Variants in NRXN3 observed in about 807,000 individuals in gnomAD.
NRXN3 encodes the protein neurexin 3.
A neutral mutation model predicts 137.6 loss-of-function variants in NRXN3; 32 were observed. That is an observed-to-expected ratio of 0.23 (90% CI 0.18 to 0.31). The LOEUF (loss-of-function observed/expected upper bound fraction) is 0.31. NRXN3 is among the 10% of genes least tolerant of loss of function. The pLI is 1.00. For missense variants in NRXN3, 1,574 were observed against 2,062.5 expected (o/e 0.76, Z 4.59); for synonymous variants, 798 against 784.5 (o/e 1.02, Z -0.29).
intron 19 of NRXN3, among the ~76,000 whole-genome samples, chr14:79,786,724 A>G (rs928853981): frequency 3.9e-5 from 6 of 152,236 alleles, no homozygotes; most frequent in South Asian, 4.1e-4. Context: ...TAACTGCCCA[A>G]TGTTCAACTA....
intron 2 of NRXN3, chr14:78,249,954 G>A (rs2153460513): frequency 2.9e-6 from 1 of 343,370 alleles, no homozygotes; most frequent in South Asian, 2.2e-5. Flanking sequence ...TGAAGCTTCA[G>A]TATCTTCTTT....
intron 4 of NRXN3, among the ~76,000 whole-genome samples, chr14:78,484,905 C>T (rs570555594): frequency 1.2e-4 from 19 of 152,136 alleles, no homozygotes; most frequent in South Asian, 1.0e-3. Flanking sequence ...GACACTTGTC[C>T]GGATATGATA....
intron 15 of NRXN3, among the ~76,000 whole-genome samples, chr14:79,426,954 C>CA (rs1408792795): frequency 6.6e-6 from 1 of 151,900 alleles, no homozygotes; most frequent in Non-Finnish European, 1.5e-5. Flanking sequence ...TTTGGGTTTC[C>CA]AAAAAATATA....
intron 15 of NRXN3, among the ~76,000 whole-genome samples, chr14:79,123,742 A>G (rs1184348937): frequency 6.6e-6 from 1 of 152,208 alleles, no homozygotes; most frequent in Admixed American, 6.5e-5. Context: ...GATATAAGTC[A>G]GGGAAAGCAT....
chr14:78,993,834 ATTTTT>A (rs58170856), intron 15 of NRXN3, among the ~76,000 whole-genome samples: 1,725 of 66,314 alleles, frequency 0.026, 16 homozygotes, highest in African/African-American at 0.07. Context: ...GAGCCTTGAA[ATTTTT>A]TTTTTTTTTT....
chr14:79,350,587 C>T (rs959487533), intron 15 of NRXN3, among the ~76,000 whole-genome samples: 1 of 152,152 alleles, frequency 6.6e-6, no homozygotes, highest in African/African-American at 2.4e-5. Flanking sequence ...CAGCCTTTGG[C>T]ACACATTGGA....
At chr14:78,714,351 T>G (rs2098422236) in intron 7 of NRXN3, among the ~76,000 whole-genome samples, 1 of 152,228 alleles carries the variant, frequency 6.6e-6, no homozygotes, top group South Asian at 2.1e-4. Context: ...GACAGTTATT[T>G]TCCCATTTTA....
intron 8 of NRXN3, among the ~76,000 whole-genome samples, chr14:78,719,732 C>T (rs2098450837): frequency 6.6e-6 from 1 of 152,114 alleles, no homozygotes; most frequent in African/African-American, 2.4e-5. Flanking sequence ...ATCCCAGCTA[C>T]TCAGGAGGCT....
chr14:79,190,898 C>T (rs1240015726), intron 15 of NRXN3, among the ~76,000 whole-genome samples: 2 of 151,958 alleles, frequency 1.3e-5, no homozygotes, highest in Non-Finnish European at 2.9e-5. Flanking sequence ...CAGGATTTAC[C>T]CTTATAAAAA....
chr14:78,901,106 A>G (rs1422123844), intron 10 of NRXN3, among the ~76,000 whole-genome samples: 2 of 152,024 alleles, frequency 1.3e-5, no homozygotes. Flanking sequence ...ATTTTTTTCT[A>G]TCTGCTTCTG....
chr14:79,656,468 A>T (rs1440205695), intron 16 of NRXN3, among the ~76,000 whole-genome samples: 4 of 152,180 alleles, frequency 2.6e-5, no homozygotes, highest in African/African-American at 9.6e-5. Flanking sequence ...ATGACTCAGG[A>T]TGCCAGTTGT....
At chr14:78,421,915 C>T (rs1398719580) in intron 4 of NRXN3, among the ~76,000 whole-genome samples, 3 of 152,190 alleles carry the variant, frequency 2.0e-5, no homozygotes, top group East Asian at 1.9e-4. Context: ...AAGCAACAAG[C>T]GCCAGCTATT....
chr14:79,623,731 C>G (rs2098249394), intron 16 of NRXN3, among the ~76,000 whole-genome samples: 1 of 152,104 alleles, frequency 6.6e-6, no homozygotes, highest in Non-Finnish European at 1.5e-5. Flanking sequence ...CATTAACTGC[C>G]ATTTCTAATA....
Position 79,863,989 on chromosome 14 carries a change from G to GTGT in NRXN3, c.*2027_*2029dup, listed in dbSNP as rs1451092736. 1 of 144,740 alleles carries GTGT rather than the reference G, an allele frequency of 6.9e-6. No individual in the cohort carries two copies. The highest frequency in any genetic ancestry group is 2.0e-4 in the East Asian group (1 of 5,058). 9.0% of individuals were successfully genotyped at this position (144,740 alleles called of 1,614,324 possible). On this transcript the variant is annotated 3_prime_UTR_variant, in exon 21 of 21. Coordinates refer to ENST00000335750, the MANE Select transcript of NRXN3 (RefSeq NM_001330195.2). Reference sequence around the variant, plus strand: ...GTTCCTCATTATCTAATATTTCAATGTGTTAAGAGTTTAATTTTTTTGTTA... The same window carrying GTGT: ...GTTCCTCATTATCTAATATTTCAATGTGTTGTTAAGAGTTTAATTTTTTTGTTA...
chr14:79,259,244 T>G (rs1397492273), intron 15 of NRXN3, among the ~76,000 whole-genome samples: 1 of 152,122 alleles, frequency 6.6e-6, no homozygotes, highest in Admixed American at 6.5e-5. Flanking sequence ...ATAAAGAACA[T>G]TGTGTGTCAA....
At chr14:79,463,639 A>G (rs1036339375) in intron 15 of NRXN3, among the ~76,000 whole-genome samples, 1 of 152,206 alleles carries the variant, frequency 6.6e-6, no homozygotes, top group Non-Finnish European at 1.5e-5. Flanking sequence ...CTGCAGTGTT[A>G]AATGGCCAAA....
At chr14:79,189,140 A>C (rs2063907327) in intron 15 of NRXN3, among the ~76,000 whole-genome samples, 1 of 151,934 alleles carries the variant, frequency 6.6e-6, no homozygotes, top group African/African-American at 2.4e-5. Context: ...ACCAACCCAA[A>C]TGTCCAACAA....
intron 4 of NRXN3, among the ~76,000 whole-genome samples, chr14:78,604,402 A>G (rs529109579): frequency 1.1e-4 from 16 of 152,034 alleles, no homozygotes; most frequent in Admixed American, 4.6e-4. Context: ...TACTTACGGT[A>G]TCATTGTAAA....
At chr14:78,520,579 A>C (rs4903778) in intron 4 of NRXN3, among the ~76,000 whole-genome samples, 104,619 of 152,068 alleles carry the variant, frequency 0.69, 36,203 homozygotes, top group East Asian at 0.72. Flanking sequence ...TTTGAAATTA[A>C]AAGTTCAAAT....
Sources: allele counts gnomAD v4.1 joint callset (sites outside exome capture counted in the v4.1 genomes callset), GRCh38; gene constraint gnomAD v4.1.1; transcripts MANE v1.5; gene names NCBI Gene and HGNC (gene_info 2026-07-23, HGNC 2026-07-21).